Variants in FLYWCH1 observed in about 807,000 individuals in gnomAD.
FLYWCH1 encodes FLYWCH-type zinc finger 1, also known as FLYWCH-type zinc finger-containing protein 1.
In FLYWCH1, 75 loss-of-function variants were observed where a neutral mutation model predicts 66.4. That is an observed-to-expected ratio of 1.13 (90% CI 0.94 to 1.37). The LOEUF (loss-of-function observed/expected upper bound fraction) is 1.37. FLYWCH1 is among the 40% of genes most tolerant of loss of function. FLYWCH1 has a pLI of 0.00. For missense variants in FLYWCH1, 1,334 were observed against 1,001.8 expected, an observed-to-expected ratio of 1.33 and a Z score of -4.48; for synonymous variants, 595 against 429.9, an observed-to-expected ratio of 1.38 and a Z score of -4.75.
At chr16:2,920,622 G>T (rs1386677457) in intron 2 of FLYWCH1, among the ~76,000 whole-genome samples, 3 of 151,672 alleles carry the variant, frequency 2.0e-5, no homozygotes, top group African/African-American at 7.3e-5. Context: ...TGCTCTTGTT[G>T]CCCAGGCTGG....
In FLYWCH1 at chr16:2,911,958, G is replaced by C. The variant is rs2069997914; in HGVS notation, c.-384G>C. 1 of 149,316 alleles carries C rather than the reference G, an allele frequency of 6.7e-6. No individual in the cohort carries two copies. Among genetic ancestry groups the C allele is most frequent in the African/African-American group, 2.4e-5 (1 of 40,994 alleles). 9.2% of individuals were successfully genotyped at this position (149,316 alleles called of 1,614,324 possible). ...AGTAGCGCGCCTGAGCGTTCCGCAA[G>C]GCCGGCTCCCCGGCGGGGTCGCGCG... On this transcript the variant is annotated 5_prime_UTR_variant, in exon 1 of 10. Coordinates refer to ENST00000253928, the MANE Select transcript of FLYWCH1 (RefSeq NM_001308068.2).
chr16:2,927,035 T>A (rs1406862619), intron 2 of FLYWCH1, among the ~76,000 whole-genome samples: 1 of 152,194 alleles, frequency 6.6e-6, no homozygotes. Flanking sequence ...CATTAGCTTA[T>A]CAATACTGGC....
At chr16:2,917,016 C>T (rs570298571) in intron 2 of FLYWCH1, among the ~76,000 whole-genome samples, 78 of 150,512 alleles carry the variant, frequency 5.2e-4, no homozygotes, top group Non-Finnish European at 7.5e-4. Flanking sequence ...ATTAGCCAGG[C>T]GTGGTAGCGC....
intron 9 of FLYWCH1, among the ~76,000 whole-genome samples, chr16:2,946,555 T>G (rs1045497212): frequency 6.6e-6 from 1 of 152,038 alleles, no homozygotes; most frequent in African/African-American, 2.4e-5. Flanking sequence ...ACTCTTGACC[T>G]CAGGTGATCC....
chr16:2,944,983 G>A lies in FLYWCH1; in HGVS notation c.2112-3705G>A, dbSNP rs143047467. On this transcript the variant is annotated intron_variant, in intron 9 of 9. Transcript: ENST00000253928. ...TCCAGTGGGACAAGATGTGGAGGTCGAAGATGGTGACATGGATGACCCTGA... is the reference window on the plus strand; with the variant it reads ...TCCAGTGGGACAAGATGTGGAGGTCAAAGATGGTGACATGGATGACCCTGA... Among the ~76,000 whole-genome samples the A allele has an allele frequency of 2.5e-3, 376 of 152,220 alleles. 4 individuals are homozygous for A. The highest frequency in any genetic ancestry group is 8.6e-3 in the African/African-American group (356 of 41,504).
At chr16:2,931,573 G>A (rs1195338128) in intron 4 of FLYWCH1, among the ~76,000 whole-genome samples, 2 of 151,786 alleles carry the variant, frequency 1.3e-5, no homozygotes, top group Non-Finnish European at 2.9e-5. Context: ...CCGGGATCAC[G>A]CCACTGCCCT....
At chr16:2,936,446 C>T in intron 6 of FLYWCH1, 2 of 450,430 alleles carry the variant, frequency 4.4e-6, no homozygotes, top group East Asian at 7.0e-5. Flanking sequence ...AGCCAGACAC[C>T]CTCCCGCCCC....
chr16:2,914,668 G>A (rs2150875038), intron 2 of FLYWCH1, among the ~76,000 whole-genome samples: 1 of 152,264 alleles, frequency 6.6e-6, no homozygotes, highest in South Asian at 2.1e-4. Flanking sequence ...GGAGGCTGAG[G>A]TGGGCAGATC....
At position 2,922,834 on chromosome 16, in the gene FLYWCH1, G is replaced by A. The variant is rs1055538062; in HGVS notation, c.-73-6779G>A. 6 of 523,880 alleles carry A rather than the reference G, an allele frequency of 1.1e-5. No homozygotes were observed. The African/African-American group carries it at 1.2e-4, about 10-fold the overall frequency. 32.5% of individuals were successfully genotyped at this position (523,880 alleles called of 1,614,324 possible). On this transcript the variant is annotated intron_variant, in intron 2 of 9. Transcript: ENST00000253928. ...GCTTGTTGGCTTTAACATCCACAGT[G>A]AAGACAAGTGTGTTGTCTTCTGTCT...
At chr16:2,931,424 G>C (rs2070759259) in intron 4 of FLYWCH1, among the ~76,000 whole-genome samples, 1 of 151,532 alleles carries the variant, frequency 6.6e-6, no homozygotes, top group Non-Finnish European at 1.5e-5. Context: ...AGGAGTTCAA[G>C]ACCAGCCTGG....
chr16:2,933,285 A>C lies in FLYWCH1; in HGVS notation c.952A>C (p.Thr318Pro). ...GCACGGCTGCCGGAGCCGGGCCATC[A>C]CCCAGGGACAGCGGGTGACTGTGAT... ...ALHGCRSRAI[T>P]QGQRVTVMRG... The change falls in exon 5 of 10, where the codon ACC becomes CCC. Residue 318 changes from threonine to proline, a missense_variant. Thr to Pro is a conservative substitution (Grantham distance 38). Coordinates refer to ENST00000253928, the MANE Select transcript of FLYWCH1 (RefSeq NM_001308068.2). 6.2e-7 allele frequency: 1 copy of C among 1,612,394 alleles called. No homozygotes were observed. Among genetic ancestry groups the C allele is most frequent in the Non-Finnish European group, 8.5e-7 (1 of 1,179,524 alleles).
At chr16:2,944,459 AAT>A (rs1034764519) in intron 9 of FLYWCH1, among the ~76,000 whole-genome samples, 21 of 152,100 alleles carry the variant, frequency 1.4e-4, no homozygotes, top group Admixed American at 3.9e-4. Flanking sequence ...AATGATAATA[AAT>A]ATGTTATTAG....
chr16:2,919,962 G>A (rs2070312138), intron 2 of FLYWCH1, among the ~76,000 whole-genome samples: 2 of 152,076 alleles, frequency 1.3e-5, no homozygotes, highest in South Asian at 4.1e-4. Flanking sequence ...TCTGGTGGGG[G>A]CTTCCTGCTC....
rs1443192384 is a variant in FLYWCH1, at chr16:2,933,579, C to A, written c.1246C>A (p.Pro416Thr). The A allele has an allele frequency of 6.3e-7, 1 of 1,585,552 alleles. No homozygotes were observed. ...CGAGCACCAGGACATGGACGCAGAC[C>A]CGGGTGAGCTGCCTTCCTTTGGGGC... ...PDEHQDMDADPGGPEFLKTPL... is the reference protein window; with the variant it reads ...PDEHQDMDADTGGPEFLKTPL... Residue 416 changes from proline (P) to threonine (T), a missense_variant, in exon 5 of 10, where the codon CCG becomes ACG. Pro to Thr is a conservative substitution (Grantham distance 38). Coordinates refer to ENST00000253928, the MANE Select transcript of FLYWCH1 (RefSeq NM_001308068.2).
rs1290622352 is a variant in FLYWCH1 at position 2,912,110 on chromosome 16, C to G, written c.-232C>G. ...GCTGCAGCGGCAGAGGCTGAAGGATCCGCCGCGGCGCTGTCGCGGGAGAGG... is the reference window on the plus strand; with the variant it reads ...GCTGCAGCGGCAGAGGCTGAAGGATGCGCCGCGGCGCTGTCGCGGGAGAGG... On this transcript the variant is annotated 5_prime_UTR_variant, in exon 1 of 10. It adds an upstream start codon to the 5' untranslated region. Coordinates refer to ENST00000253928, the MANE Select transcript of FLYWCH1 (RefSeq NM_001308068.2). The G allele has an allele frequency of 6.6e-6, 1 of 152,222 alleles. No homozygotes were observed. The highest frequency in any genetic ancestry group is 1.5e-5 in the Non-Finnish European group (1 of 68,052). 9.4% of individuals were successfully genotyped at this position (152,222 alleles called of 1,614,324 possible). A position where few individuals can be genotyped will look rare whatever the true frequency, so the allele number is the denominator to read the frequency against.
At chr16:2,939,973 T>G in intron 8 of FLYWCH1, 59 bp from the exon 9 acceptor site, 1 of 1,545,660 alleles carries the variant, frequency 6.5e-7, no homozygotes, top group Non-Finnish European at 8.8e-7. Context: ...TGTCCTTGGT[T>G]CTGTCAGCTT....
chr16:2,914,080 C>T (rs1298988902), intron 1 of FLYWCH1, 96 bp from the exon 2 acceptor site: 1 of 152,248 alleles, frequency 6.6e-6, no homozygotes, highest in Non-Finnish European at 1.5e-5. Flanking sequence ...CCCTACTGCA[C>T]CTGGATGCTG....
intron 9 of FLYWCH1, among the ~76,000 whole-genome samples, chr16:2,944,584 A>G (rs1213178588): frequency 6.6e-6 from 1 of 152,142 alleles, no homozygotes; most frequent in Non-Finnish European, 1.5e-5. Context: ...GCACTTTGGT[A>G]GGCTGAGGCA....
At chr16:2,943,296 C>G (rs1242258510) in intron 9 of FLYWCH1, 11 of 151,918 alleles carry the variant, frequency 7.2e-5, no homozygotes, top group Admixed American at 7.2e-4. Context: ...CGGGAGGGGA[C>G]CCCAGGGGAG....
Sources: gnomAD v4.1 joint callset for allele counts (sites outside exome capture counted in the v4.1 genomes callset) on GRCh38, gnomAD v4.1.1 for gene constraint, MANE v1.5 for transcripts, NCBI Gene and HGNC (gene_info 2026-07-23, HGNC 2026-07-21) for gene names.